Variants in BRINP1 observed in about 807,000 individuals in gnomAD.
BRINP1 encodes the protein BMP/retinoic acid inducible neural specific 1, also known as BMP/retinoic acid-inducible neural-specific protein 1.
A neutral mutation model predicts 72.9 loss-of-function variants in BRINP1; 17 were observed. That is an observed-to-expected ratio of 0.23 (90% CI 0.16 to 0.35). The LOEUF is 0.35. BRINP1 is among the 10% of genes least tolerant of loss of function. The pLI, the probability that BRINP1 is intolerant of heterozygous loss-of-function variation, is 1.00. For missense variants in BRINP1, 850 were observed against 1,001.6 expected, an observed-to-expected ratio of 0.85 and a Z score of 2.04; for synonymous variants, 418 against 378.5, an observed-to-expected ratio of 1.10 and a Z score of -1.21.
Position 119,168,137 on chromosome 9 carries a change from C to T in BRINP1, c.1233G>A (p.Arg411=), listed in dbSNP as rs895700877. ...TGGTGCTGCCGTGGCACACGCAGCT[C>T]CGCTGGCTCTCCAGGAAGGTTCCCC... ...GFWGTFLESQ[R]SCVCHGSTTL... Residue 411 remains arginine (R), a synonymous_variant, in exon 8 of 8, where the codon CGG becomes CGA. Transcript: ENST00000265922. 1.2e-6 allele frequency: 2 copies of T among 1,601,310 alleles called. No homozygotes were observed. Among genetic ancestry groups the T allele is most frequent in the African/African-American group, 1.3e-5 (1 of 74,638 alleles).
At chr9:119,245,535 C>T (rs1415786100) in intron 3 of BRINP1, among the ~76,000 whole-genome samples, 1 of 152,180 alleles carries the variant, frequency 6.6e-6, no homozygotes, top group African/African-American at 2.4e-5. Flanking sequence ...CTTCACCCCC[C>T]TTCATAGGAG....
chr9:119,242,296 A>C, intron 3 of BRINP1, 80 bp from the exon 4 acceptor site: 1 of 1,177,102 alleles, frequency 8.5e-7, no homozygotes, highest in East Asian at 2.4e-5. Flanking sequence ...GGATGCTGAA[A>C]ACAGCCTTAA....
intron 7 of BRINP1, among the ~76,000 whole-genome samples, chr9:119,175,835 T>A (rs982184265): frequency 6.6e-6 from 1 of 152,158 alleles, no homozygotes; most frequent in Non-Finnish European, 1.5e-5. Flanking sequence ...TGTCTAGCAC[T>A]TTTTACCCTG....
At chr9:119,307,258 T>A (rs1249371726) in intron 2 of BRINP1, among the ~76,000 whole-genome samples, 17 of 151,678 alleles carry the variant, frequency 1.1e-4, no homozygotes, top group Non-Finnish European at 2.4e-4. Flanking sequence ...TGACAATAAT[T>A]TTTTTTAGCT....
rs144283407 is a variant in BRINP1, at chr9:119,282,115, T to G, written c.218+31023A>C. ...TGAACAAAGTCTGAAAATGTTGATT[T>G]CTCCTCACCCTCTGAGGGTTTGAAT... is the stretch of plus-strand genomic sequence containing the variant. On this transcript the variant is annotated intron_variant, in intron 2 of 7. Coordinates refer to ENST00000265922, the MANE Select transcript of BRINP1 (RefSeq NM_014618.3). Among the ~76,000 whole-genome samples the G allele has an allele frequency of 7.2e-5, 11 of 152,334 alleles. No homozygotes were observed. The East Asian group carries it at 1.9e-3, about 27-fold the overall frequency.
chr9:119,202,950 G>A (rs1297468091), intron 7 of BRINP1, among the ~76,000 whole-genome samples: 3 of 152,024 alleles, frequency 2.0e-5, no homozygotes, highest in African/African-American at 7.2e-5. Flanking sequence ...GGCCTCTTCT[G>A]GTTACCTACA....
intron 1 of BRINP1, among the ~76,000 whole-genome samples, chr9:119,340,285 G>C (rs1178210693): frequency 6.6e-6 from 1 of 152,164 alleles, no homozygotes; most frequent in Non-Finnish European, 1.5e-5. Flanking sequence ...AGGCACCTGG[G>C]ATGAGCTAAT....
At chr9:119,314,447 C>T (rs912201177) in intron 1 of BRINP1, among the ~76,000 whole-genome samples, 3 of 152,188 alleles carry the variant, frequency 2.0e-5, no homozygotes, top group Non-Finnish European at 2.9e-5. Flanking sequence ...CTCACTACAA[C>T]CTCCGCCTCC....
chr9:119,244,696 A>G (rs73661136), intron 3 of BRINP1, among the ~76,000 whole-genome samples: 117 of 152,312 alleles, frequency 7.7e-4, no homozygotes, highest in African/African-American at 2.7e-3. Context: ...CTTTAGATCA[A>G]GAGGGGTTAA....
rs552169514 is a variant in BRINP1 at position 119,167,636 on chromosome 9, G to A, written c.1734C>T (p.Pro578=). ...SGSHSEGWNM[P]FGEFGYPRWE... is the part of the protein sequence containing the mutation. ...AGCGTGGGTAGCCAAATTCCCCGAA[G>A]GGCATGTTCCAGCCCTCCGAATGGC... Residue 578 remains proline, a synonymous_variant, in exon 8 of 8, where the codon CCC becomes CCT. Transcript: ENST00000265922. This position sits in a 1 kb window ranked among gnomAD's most constrained non-coding sequence, Gnocchi z 4.3. The A allele has an allele frequency of 2.5e-6, 4 of 1,614,072 alleles. No individual in the cohort carries two copies. The highest frequency in any genetic ancestry group is 2.7e-5 in the African/African-American group (2 of 75,046).
At chr9:119,283,550 A>C (rs1830732974) in intron 2 of BRINP1, among the ~76,000 whole-genome samples, 3 of 152,204 alleles carry the variant, frequency 2.0e-5, no homozygotes. Context: ...GATCTTTTTG[A>C]CAGAGTCTCG....
intron 7 of BRINP1, among the ~76,000 whole-genome samples, chr9:119,195,747 A>C (rs556233302): frequency 3.6e-4 from 55 of 152,320 alleles, no homozygotes; most frequent in African/African-American, 1.1e-3. Flanking sequence ...CATCTGCTTA[A>C]GCAGAAGGTG....
Position 119,367,218 on chromosome 9 carries a change from A to T in BRINP1, c.-51+1838T>A, listed in dbSNP as rs1886369. Among the ~76,000 whole-genome samples, 90 of 45,658 alleles carry T rather than the reference A, an allele frequency of 2.0e-3. 3 individuals are homozygous for T. Among genetic ancestry groups the T allele is most frequent in the African/African-American group, 2.3e-3 (33 of 14,294 alleles). 30.0% of individuals were successfully genotyped at this position (45,658 alleles called of 152,430 possible). On this transcript the variant is annotated intron_variant, in intron 1 of 7. Coordinates refer to ENST00000265922, the MANE Select transcript of BRINP1 (RefSeq NM_014618.3). The stretch of plus-strand genomic sequence containing the variant: ...ATGTGTGTGTGTGTGTGTGTGTGTG[A>T]TTGATATATATATATATATATATAT...
At chr9:119,293,083 C>A (rs183867068) in intron 2 of BRINP1, among the ~76,000 whole-genome samples, 2 of 152,208 alleles carry the variant, frequency 1.3e-5, no homozygotes, top group Admixed American at 1.3e-4. Context: ...ACATTCTGGA[C>A]TGAAGTTTCC....
At chr9:119,179,213 G>A (rs1024207573) in intron 7 of BRINP1, among the ~76,000 whole-genome samples, 1 of 152,206 alleles carries the variant, frequency 6.6e-6, no homozygotes, top group Non-Finnish European at 1.5e-5. Flanking sequence ...GGAGAAGCAG[G>A]TTTTAAAGTG....
At chr9:119,205,756 G>A (rs542547862) in intron 7 of BRINP1, among the ~76,000 whole-genome samples, 1 of 152,242 alleles carries the variant, frequency 6.6e-6, no homozygotes, top group East Asian at 1.9e-4. Context: ...AAATATGCCT[G>A]CCTAATGTCT....
intron 3 of BRINP1, among the ~76,000 whole-genome samples, chr9:119,247,378 C>G (rs956415788): frequency 6.6e-6 from 1 of 152,006 alleles, no homozygotes; most frequent in Admixed American, 6.6e-5. Flanking sequence ...GACAGCCAGG[C>G]ACGGTGGCTC....
chr9:119,259,084 A>C (rs1830473416), intron 2 of BRINP1, among the ~76,000 whole-genome samples: 1 of 152,212 alleles, frequency 6.6e-6, no homozygotes, highest in African/African-American at 2.4e-5. Context: ...GAGGATATCA[A>C]GGAAAGCAAA....
intron 7 of BRINP1, among the ~76,000 whole-genome samples, chr9:119,179,307 G>A (rs1382964288): frequency 6.6e-6 from 1 of 152,162 alleles, no homozygotes; most frequent in East Asian, 1.9e-4. Flanking sequence ...GCATCTTTCT[G>A]TTGGATGGGA....
Sources: allele counts gnomAD v4.1 joint callset (sites outside exome capture counted in the v4.1 genomes callset), GRCh38; gene constraint gnomAD v4.1.1; non-coding constraint Gnocchi (gnomAD v3.1); transcripts MANE v1.5; gene names NCBI Gene and HGNC (gene_info 2026-07-23, HGNC 2026-07-21).